The following BTAF1 variants were observed in gnomAD, a reference collection of about 807,000 sequenced individuals.
The protein encoded by BTAF1 is B-TFIID TATA-box binding protein associated factor 1.
In BTAF1, 38 loss-of-function variants were observed where a neutral mutation model predicts 227.1. The observed-to-expected ratio is 0.17, with a 90% confidence interval of 0.13 to 0.22. BTAF1 has a LOEUF of 0.22. BTAF1 is among the 10% of genes least tolerant of loss of function. The pLI is 1.00. For missense variants in BTAF1, 1,598 were observed against 2,204.0 expected, an observed-to-expected ratio of 0.73 and a Z score of 5.51; for synonymous variants, 742 against 751.9, an observed-to-expected ratio of 0.99 and a Z score of 0.21.
intron 9 of BTAF1, 118 bp downstream of exon 9, chr10:91,959,272 G>T: frequency 6.6e-7 from 1 of 1,519,858 alleles, no homozygotes; most frequent in Non-Finnish European, 8.8e-7. Flanking sequence ...AAGAGGAAGA[G>T]ATATGAAAAG....
intron 34 of BTAF1, among the ~76,000 whole-genome samples, chr10:92,024,470 A>G (rs1012578772): frequency 6.6e-6 from 1 of 152,100 alleles, no homozygotes; most frequent in Non-Finnish European, 1.5e-5. Context: ...GGGTCACTTG[A>G]GCTCAGGAGT....
At chr10:91,951,290 T>C in intron 4 of BTAF1, 113 bp from the exon 5 acceptor site, 1 of 1,129,194 alleles carries the variant, frequency 8.9e-7, no homozygotes. Flanking sequence ...TGGTTGGTTT[T>C]ATTGGCAGAA....
At chr10:91,956,680 T>G (rs772064929) in intron 7 of BTAF1, 23 bp downstream of exon 7, 36 of 1,601,416 alleles carry the variant, frequency 2.2e-5, no homozygotes, top group Non-Finnish European at 2.9e-5. Context: ...GACTCTAAAG[T>G]ATCCATTAAA....
intron 25 of BTAF1, among the ~76,000 whole-genome samples, chr10:91,998,173 A>G (rs1849267247): frequency 6.6e-6 from 1 of 151,882 alleles, no homozygotes; most frequent in African/African-American, 2.4e-5. Context: ...CACTTGTTAA[A>G]GAACATGTCA....
chr10:91,974,751 TTGAGACAGGA>T (rs1847563153), intron 14 of BTAF1, among the ~76,000 whole-genome samples: 1 of 151,170 alleles, frequency 6.6e-6, no homozygotes, highest in African/African-American at 2.4e-5. Context: ...ATTCGGGAGG[TTGAGACAGGA>T]GAATCACTTG....
rs529879694 is a variant in BTAF1, at chr10:91,932,246, C to G, written c.15-3411C>G. ...AAGGAATACAGTGCCTATTGCATGG[C>G]ATTTTTCAGCTTGCTATTTGGGACA... On this transcript the variant is annotated intron_variant, in intron 1 of 37. Coordinates refer to ENST00000265990, the MANE Select transcript of BTAF1 (RefSeq NM_003972.3). Among the ~76,000 whole-genome samples the G allele has an allele frequency of 7.2e-5, 11 of 152,252 alleles. No individual in the cohort carries two copies. The South Asian group carries it at 2.1e-3, about 29-fold the overall frequency.
intron 25 of BTAF1, among the ~76,000 whole-genome samples, chr10:91,998,946 C>T (rs1849317163): frequency 6.6e-6 from 1 of 151,688 alleles, no homozygotes; most frequent in African/African-American, 2.4e-5. Flanking sequence ...ACCTGTAATC[C>T]CAGCTACTCA....
At chr10:92,005,788 A>G (rs1380069549) in intron 25 of BTAF1, among the ~76,000 whole-genome samples, 1 of 152,170 alleles carries the variant, frequency 6.6e-6, no homozygotes, top group Admixed American at 6.5e-5. Context: ...TAACTTTTCT[A>G]AAACAATGTG....
chr10:91,997,286 A>C, intron 24 of BTAF1: 1 of 654,014 alleles, frequency 1.5e-6, no homozygotes, highest in Non-Finnish European at 2.3e-6. Context: ...TTTTATTTTG[A>C]CATTGGAATT....
intron 33 of BTAF1, 113 bp downstream of exon 33, chr10:92,016,578 A>G: frequency 2.3e-6 from 2 of 858,512 alleles, no homozygotes; most frequent in Non-Finnish European, 1.7e-6. Flanking sequence ...TCCTGGGTTC[A>G]AGCTATCATG....
intron 2 of BTAF1, among the ~76,000 whole-genome samples, chr10:91,937,228 C>T (rs1394220196): frequency 1.3e-5 from 2 of 151,970 alleles, no homozygotes; most frequent in Non-Finnish European, 2.9e-5. Flanking sequence ...CTCTGGACCT[C>T]GTGATCCTCC....
At chr10:91,976,281 A>G (rs931827700) in intron 14 of BTAF1, among the ~76,000 whole-genome samples, 2 of 152,182 alleles carry the variant, frequency 1.3e-5, no homozygotes, top group Non-Finnish European at 2.9e-5. Flanking sequence ...TGCCACCCTC[A>G]GCACCTCTGT....
chr10:91,937,282 C>T (rs781630921), intron 2 of BTAF1, among the ~76,000 whole-genome samples: 2 of 152,028 alleles, frequency 1.3e-5, no homozygotes, highest in Non-Finnish European at 2.9e-5. Context: ...CGTGAACCAC[C>T]GCTCCTGGCC....
intron 30 of BTAF1, among the ~76,000 whole-genome samples, chr10:92,012,154 T>C (rs1162875287): frequency 2.1e-4 from 1 of 4,756 alleles, no homozygotes; most frequent in African/African-American, 1.5e-3. Context: ...CCTCCCCTGC[T>C]CTCCTCCCCT....
At chr10:91,982,812 C>A in intron 18 of BTAF1, 51 bp downstream of exon 18, 1 of 1,501,522 alleles carries the variant, frequency 6.7e-7, no homozygotes, top group Non-Finnish European at 9.0e-7. Flanking sequence ...AACCAATTTC[C>A]ATTAGCTGTT....
At chr10:92,011,988 A>T (rs1314683793) in intron 30 of BTAF1, among the ~76,000 whole-genome samples, 1 of 151,544 alleles carries the variant, frequency 6.6e-6, no homozygotes, top group Non-Finnish European at 1.5e-5. Context: ...CTCAGTAGAG[A>T]AGTAGACACC....
intron 4 of BTAF1, among the ~76,000 whole-genome samples, chr10:91,943,020 G>A (rs1439857372): frequency 6.6e-6 from 1 of 152,074 alleles, no homozygotes; most frequent in Non-Finnish European, 1.5e-5. Flanking sequence ...CAAAAACTAA[G>A]AGTGAAAAAT....
Position 91,939,972 on chromosome 10 carries a change from T to G in BTAF1, c.159T>G (p.Ser53Arg). Reference protein sequence around the residue: ...LLSKVLIYLRSANWDTRIAAG... With the variant: ...LLSKVLIYLRRANWDTRIAAG... ...TTAAGGTGTTGATATATTTAAGGAGTGCAAATTGGGATACCCGGATTGCAG... is the reference window on the plus strand; with the variant it reads ...TTAAGGTGTTGATATATTTAAGGAGGGCAAATTGGGATACCCGGATTGCAG... The change falls in exon 3 of 38, where the codon AGT becomes AGG. Residue 53 changes from serine to arginine, a missense_variant. Around this residue, in one of 10 missense-constraint regions of BTAF1, gnomAD observed 298 missense variants for 395.2 expected, o/e 0.75. Coordinates refer to ENST00000265990, the MANE Select transcript of BTAF1 (RefSeq NM_003972.3). 1 of 1,612,326 alleles carries G rather than the reference T, an allele frequency of 6.2e-7. No individual in the cohort carries two copies. Among genetic ancestry groups the G allele is most frequent in the Non-Finnish European group, 8.5e-7 (1 of 1,178,760 alleles).
At position 91,935,534 on chromosome 10, in the gene BTAF1, C is replaced by A. The variant is rs774365000; in HGVS notation, c.15-123C>A. 3 of 1,009,436 alleles carry A rather than the reference C, an allele frequency of 3.0e-6. No individual in the cohort carries two copies. The Admixed American group carries it at 8.1e-5, about 27-fold the overall frequency. 62.5% of individuals were successfully genotyped at this position (1,009,436 alleles called of 1,614,324 possible). ...GGCTTATTTCACCATAATGTCTTTC[C>A]GGGGCTCATTTATGTTAGCGTAGGT... On this transcript the variant is annotated intron_variant, in intron 1 of 37. Coordinates refer to ENST00000265990, the MANE Select transcript of BTAF1 (RefSeq NM_003972.3).
Sources: gnomAD v4.1 joint callset for allele counts (sites outside exome capture counted in the v4.1 genomes callset) on GRCh38, gnomAD v4.1.1 for gene constraint, gnomAD v4.1.1 regional missense constraint, MANE v1.5 for transcripts, NCBI Gene and HGNC (gene_info 2026-07-23, HGNC 2026-07-21) for gene names.